Variants in CLSPN observed in about 807,000 individuals in gnomAD.
CLSPN encodes claspin homolog.
CLSPN carries 85 observed loss-of-function variants against 156.3 expected under a neutral mutation model. That is an observed-to-expected ratio of 0.54 (90% CI 0.46 to 0.65). The LOEUF is 0.65. CLSPN is among the 30% of genes least tolerant of loss of function. CLSPN has a pLI of 0.00. For synonymous variants in CLSPN, 534 were observed against 542.4 expected (o/e 0.98, Z 0.22); for missense variants, 1,407 against 1,554.9 (o/e 0.90, Z 1.60).
chr1:35,769,768 CG>C, intron 1 of CLSPN, 78 bp downstream of exon 1: 1 of 1,383,054 alleles, frequency 7.2e-7, no homozygotes. Flanking sequence ...CTCGGGTCAG[CG>C]GGGTCTACCC....
Position 35,738,462 on chromosome 1 carries a change from C to T in CLSPN, c.3551G>A (p.Arg1184Gln), listed in dbSNP as rs1420207716. The change falls in exon 21 of 25, where the codon CGG becomes CAG. Residue 1184 changes from arginine to glutamine, a missense_variant. Around this residue, in one of 3 missense-constraint regions of CLSPN, gnomAD observed 241 missense variants for 240.5 expected, o/e 1.00. Coordinates refer to ENST00000318121, the MANE Select transcript of CLSPN (RefSeq NM_022111.4). ...GAGTAGGTGAACTCCTACCATGTCCCGAAGCCACTGCTCTCGTTCAATTCG... is the reference window on the plus strand; with the variant it reads ...GAGTAGGTGAACTCCTACCATGTCCTGAAGCCACTGCTCTCGTTCAATTCG... The part of the protein sequence containing the change: ...KERIEREQWL[R>Q]DMAQQGKITA... 8 of 1,613,600 alleles carry T rather than the reference C, an allele frequency of 5.0e-6. No individual in the cohort carries two copies. Among genetic ancestry groups the T allele is most frequent in the Non-Finnish European group, 6.8e-6 (8 of 1,179,798 alleles).
intron 9 of CLSPN, among the ~76,000 whole-genome samples, chr1:35,751,931 T>G (rs963411105): frequency 6.6e-6 from 1 of 152,176 alleles, no homozygotes; most frequent in African/African-American, 2.4e-5. Flanking sequence ...TAATCTCACT[T>G]CTAATTGAAG....
chr1:35,732,097 T>C (rs970066798), downstream of CLSPN: 2 of 950,316 alleles, frequency 2.1e-6, no homozygotes, highest in African/African-American at 3.5e-5. Context: ...ATCCTCATTT[T>C]ATAAACAGAG....
At position 35,746,649 on chromosome 1, in the gene CLSPN, T is replaced by A. The variant is rs1641890552; in HGVS notation, c.2854+117A>T. 1 of 681,308 alleles carries A rather than the reference T, an allele frequency of 1.5e-6. No individual in the cohort carries two copies. Among genetic ancestry groups the A allele is most frequent in the African/African-American group, 1.8e-5 (1 of 55,834 alleles). The allele number at this position is 681,308 out of a possible 1,614,324, so 42.2% of individuals were successfully genotyped here. A position where few individuals can be genotyped will look rare whatever the true frequency, so the allele number is the denominator to read the frequency against. ...CTGAGCTCAAGCGATCCATCCAACT[T>A]AGCCTCCCAAAGTTCTAGGATTACA... On this transcript the variant is annotated intron_variant, in intron 15 of 24. Transcript: ENST00000318121. This position sits in a 1 kb window ranked among gnomAD's most constrained non-coding sequence, Gnocchi z 4.2.
intron 12 of CLSPN, 171 bp from the exon 13 acceptor site, chr1:35,748,775 T>C (rs1445766918): frequency 4.7e-6 from 3 of 635,268 alleles, no homozygotes; most frequent in Non-Finnish European, 8.4e-6. Context: ...GATAGCATTA[T>C]ATAATCAGGG....
At chr1:35,738,131 T>G in intron 21 of CLSPN, 34 bp from the exon 22 acceptor site, 1 of 658,356 alleles carries the variant, frequency 1.5e-6, no homozygotes, top group Non-Finnish European at 2.1e-6. Flanking sequence ...TATATATATA[T>G]ATATATATAC....
chr1:35,732,555 G>C lies in CLSPN; in HGVS notation c.*3941C>G, dbSNP rs1003470107. ...TGTGAATTAATGAGATGAAATTAGA[G>C]ACCTGTTTAAAGAGGTTAATACCAT... On this transcript the variant is annotated 3_prime_UTR_variant, in exon 25 of 25. Coordinates refer to ENST00000318121, the MANE Select transcript of CLSPN (RefSeq NM_022111.4). The C allele has an allele frequency of 3.0e-6, 3 of 985,244 alleles. No individual in the cohort carries two copies. Among genetic ancestry groups the C allele is most frequent in the Non-Finnish European group, 3.6e-6 (3 of 829,900 alleles). 61.0% of individuals were successfully genotyped at this position (985,244 alleles called of 1,614,324 possible). A position where few individuals can be genotyped will look rare whatever the true frequency, so the allele number is the denominator to read the frequency against.
At chr1:35,762,239 A>C (rs547765329) in intron 5 of CLSPN, among the ~76,000 whole-genome samples, 165 bp downstream of exon 5, 1 of 152,342 alleles carries the variant, frequency 6.6e-6, no homozygotes, top group South Asian at 2.1e-4. Context: ...CCCAAGTCTC[A>C]GAGAATTTGT....
rs779539455 is a variant in CLSPN at position 35,748,433 on chromosome 1, C to G, written c.2444G>C (p.Arg815Pro). 2 of 1,613,930 alleles carry G rather than the reference C, an allele frequency of 1.2e-6. No homozygotes were observed. Among genetic ancestry groups the G allele is most frequent in the East Asian group, 2.2e-5 (1 of 44,874 alleles). ...AGAAGCTGAGCTGACCAAACTGGCT[C>G]GAAATAGCCCAGGGGAAGGAGATCT... ...GFRSPSPGLF[R>P]ASLVSSASKS... is the part of the protein sequence containing the mutation. Residue 815 changes from arginine to proline, a missense_variant, in exon 13 of 25, where the codon CGA becomes CCA. By Grantham distance (103) the Arg-to-Pro change is moderately radical (BLOSUM62 -2). This residue lies in a region of CLSPN where 1,096 missense variants were observed against 1,193.0 expected (regional missense o/e 0.92). Coordinates refer to ENST00000318121, the MANE Select transcript of CLSPN (RefSeq NM_022111.4).
chr1:35,747,321 C>CA lies in CLSPN; in HGVS notation c.2628-330dup, dbSNP rs879677285. On this transcript the variant is annotated intron_variant, in intron 14 of 24. Transcript: ENST00000318121. ...TGGGCGACAGAGCAAGACTCTGCCT[C>CA]AAAAAAAAAAATAAAAAAAAATTCC... Among the ~76,000 whole-genome samples the CA allele has an allele frequency of 1.3e-3, 181 of 136,040 alleles. 3 individuals carry two copies. The highest frequency in any genetic ancestry group is 7.5e-3 in the East Asian group (36 of 4,804). The allele number at this position is 136,040 out of a possible 152,430, so 89.2% of individuals were successfully genotyped here. A position where few individuals can be genotyped will look rare whatever the true frequency, so the allele number is the denominator to read the frequency against.
chr1:35,743,493 G>A lies in CLSPN; in HGVS notation c.3004C>T (p.Arg1002Trp), dbSNP rs755818840. The stretch of plus-strand genomic sequence containing the variant: ...AACTCATTATCATTTGAAACAAGCC[G>A]AAAGTCTCCAAATTCCTCCTCCTCG... ...EDEEEEFGDFRLVSNDNEFDS... is the reference protein window; with the variant it reads ...EDEEEEFGDFWLVSNDNEFDS... The change falls in exon 17 of 25, where the codon CGG (arginine) becomes TGG (tryptophan). Residue 1002 changes from arginine to tryptophan, a missense_variant. This residue lies in a region of CLSPN where 1,096 missense variants were observed against 1,193.0 expected (regional missense o/e 0.92). Transcript: ENST00000318121. 16 of 1,613,472 alleles carry A rather than the reference G, an allele frequency of 9.9e-6. No individual in the cohort carries two copies. Among genetic ancestry groups the A allele is most frequent in the Admixed American group, 5.0e-5 (3 of 59,982 alleles).
Position 35,736,973 on chromosome 1 carries a change from CAA to C in CLSPN, c.3848_3849del (p.Phe1283CysfsTer11). The C allele has an allele frequency of 6.2e-7, 1 of 1,614,130 alleles. No individual in the cohort carries two copies. The highest frequency in any genetic ancestry group is 8.5e-7 in the Non-Finnish European group (1 of 1,180,012). ...TTGACAGGAGAAAGTGTATGAAAGACAAAGTTTCTTGAATTTCGAGGAGCACT... is the reference window on the plus strand; with the variant it reads ...TTGACAGGAGAAAGTGTATGAAAGACAGTTTCTTGAATTTCGAGGAGCACT... ...NPSAPRNSRNFVFHTLSPVKA... is the reference protein window; with the variant it reads ...NPSAPRNSRNXVFHTLSPVKA... On this transcript the variant is annotated frameshift_variant, in exon 24 of 25. Coordinates refer to ENST00000318121, the MANE Select transcript of CLSPN (RefSeq NM_022111.4). LOFTEE classifies it high-confidence loss of function.
At chr1:35,753,331 T>G (rs1642156168) in intron 9 of CLSPN, among the ~76,000 whole-genome samples, 1 of 152,032 alleles carries the variant, frequency 6.6e-6, no homozygotes, top group African/African-American at 2.4e-5. Flanking sequence ...GCTCAACAGA[T>G]CCTCCTGCCT....
rs1229442418 is a variant in CLSPN, at chr1:35,732,934, T to A, written c.*3562A>T. On this transcript the variant is annotated 3_prime_UTR_variant, in exon 25 of 25. Coordinates refer to ENST00000318121, the MANE Select transcript of CLSPN (RefSeq NM_022111.4). Reference sequence around the variant, plus strand: ...TTTTCTTTCTCCAAAGAGTGCTTTCTCCCAGGAGCCTCAATCAGAAACCAT... The same window carrying A: ...TTTTCTTTCTCCAAAGAGTGCTTTCACCCAGGAGCCTCAATCAGAAACCAT... The A allele has an allele frequency of 1.0e-6, 1 of 985,340 alleles. No homozygotes were observed. The allele number at this position is 985,340 out of a possible 1,614,324, so 61.0% of individuals were successfully genotyped here. A position where few individuals can be genotyped will look rare whatever the true frequency, so the allele number is the denominator to read the frequency against.
chr1:35,765,331 A>T lies in CLSPN; in HGVS notation c.25-5T>A, dbSNP rs1459470326. ...GTCATTGATTTCTAGGTGAACCTAGAAAATGACAATATACTTTATATCAAC... is the reference window on the plus strand; with the variant it reads ...GTCATTGATTTCTAGGTGAACCTAGTAAATGACAATATACTTTATATCAAC... On this transcript the variant is annotated splice_region_variant and splice_polypyrimidine_tract_variant and intron_variant, in intron 1 of 24. Coordinates refer to ENST00000318121, the MANE Select transcript of CLSPN (RefSeq NM_022111.4). The T allele has an allele frequency of 3.8e-6, 6 of 1,596,804 alleles. No homozygotes were observed. The South Asian group carries it at 6.6e-5, about 18-fold the overall frequency.
At chr1:35,744,294 T>G (rs1199125193) in intron 16 of CLSPN, among the ~76,000 whole-genome samples, 2 of 152,196 alleles carry the variant, frequency 1.3e-5, no homozygotes, top group African/African-American at 2.4e-5. Context: ...TTCATCCATG[T>G]TGTAGCAAGT....
At chr1:35,738,902 G>A (rs941165194) in intron 20 of CLSPN, among the ~76,000 whole-genome samples, 5 of 149,894 alleles carry the variant, frequency 3.3e-5, no homozygotes, top group Non-Finnish European at 5.9e-5. Flanking sequence ...CCGGGTTCAC[G>A]CAATTCTCCT....
In CLSPN at chr1:35,743,533, A is replaced by G. The variant is rs1463646116; in HGVS notation, c.2967-3T>C. 2.7e-5 allele frequency: 43 copies of G among 1,610,478 alleles called. No homozygotes were observed. The highest frequency in any genetic ancestry group is 3.7e-5 in the Non-Finnish European group (43 of 1,176,934). The stretch of plus-strand genomic sequence containing the variant: ...CCTCCTCCTCGTCTTCCTCTTCCCT[A>G]AAATGTAAATCAATGAATCAATAAA... On this transcript the variant is annotated splice_polypyrimidine_tract_variant and splice_region_variant and intron_variant, in intron 16 of 24. Transcript: ENST00000318121.
chr1:35,725,739 T>A (rs182891991), intron 24 of CLSPN, among the ~76,000 whole-genome samples: 2 of 152,034 alleles, frequency 1.3e-5, no homozygotes, highest in Non-Finnish European at 2.9e-5. Context: ...GGGAGCTGGG[T>A]GTATAAACCG....
Sources: allele counts gnomAD v4.1 joint callset (sites outside exome capture counted in the v4.1 genomes callset), GRCh38; gene constraint gnomAD v4.1.1; regional missense constraint gnomAD v4.1.1; non-coding constraint Gnocchi (gnomAD v3.1); transcripts MANE v1.5; gene names NCBI Gene and HGNC (gene_info 2026-07-23, HGNC 2026-07-21).